Variants in ST8SIA1 observed in about 807,000 individuals in gnomAD.
ST8SIA1 encodes the protein ST8 alpha-N-acetyl-neuraminide alpha-2,8-sialyltransferase 1.
In ST8SIA1, 16 loss-of-function variants were observed where a neutral mutation model predicts 35.9. The ratio of observed to expected loss-of-function variants is 0.45; its 90% confidence interval spans 0.30 to 0.68. The LOEUF is 0.68. Ranked by LOEUF, ST8SIA1 falls within the 30% of genes least tolerant of loss-of-function variation. ST8SIA1 has a pLI of 0.09. For missense variants in ST8SIA1, 383 were observed against 453.6 expected (o/e 0.84, Z 1.41); for synonymous variants, 170 against 169.6 (o/e 1.00, Z -0.02).
At chr12:22,324,887 T>C (rs1244651310) in intron 1 of ST8SIA1, 1 of 152,104 alleles carries the variant, frequency 6.6e-6, no homozygotes, top group South Asian at 2.1e-4. Context: ...AATAAAAAAT[T>C]ATAAAGCTAT....
At chr12:22,316,452 A>G (rs1475605980) in intron 1 of ST8SIA1, among the ~76,000 whole-genome samples, 2 of 152,150 alleles carry the variant, frequency 1.3e-5, no homozygotes, top group African/African-American at 4.8e-5. Flanking sequence ...TTGTGGAAAA[A>G]GTTGGATCTC....
chr12:22,207,214 G>A (rs1464385377), intron 4 of ST8SIA1, among the ~76,000 whole-genome samples: 1 of 152,182 alleles, frequency 6.6e-6, no homozygotes, highest in Non-Finnish European at 1.5e-5. Flanking sequence ...CACTCTGGGA[G>A]AAAATTTACA....
chr12:22,269,505 G>A (rs955037547), intron 2 of ST8SIA1, among the ~76,000 whole-genome samples: 5 of 152,072 alleles, frequency 3.3e-5, no homozygotes, highest in Admixed American at 3.3e-4. Flanking sequence ...AAGATATTAT[G>A]GATACCTTCC....
intron 4 of ST8SIA1, among the ~76,000 whole-genome samples, chr12:22,227,772 T>A: frequency 6.6e-6 from 1 of 152,208 alleles, no homozygotes; most frequent in South Asian, 2.1e-4. Context: ...TTGTGCATTT[T>A]CTTTCTTAGA....
chr12:22,321,014 GAAAGAAAGAAAGAA>G (rs1565596059), intron 1 of ST8SIA1, among the ~76,000 whole-genome samples: 1,077 of 98,236 alleles, frequency 0.011, 40 homozygotes, highest in South Asian at 0.055. Flanking sequence ...AAGAAAGAAA[GAAAGAAAGAAAGAA>G]AGAAAGAGAA....
chr12:22,311,872 A>G (rs1032621586), intron 1 of ST8SIA1, among the ~76,000 whole-genome samples: 3 of 152,138 alleles, frequency 2.0e-5, no homozygotes, highest in Non-Finnish European at 4.4e-5. Context: ...ATTGCAAAGG[A>G]CTTTAAATGG....
At chr12:22,213,554 G>A (rs962478825) in intron 4 of ST8SIA1, among the ~76,000 whole-genome samples, 7 of 152,152 alleles carry the variant, frequency 4.6e-5, no homozygotes, top group African/African-American at 1.7e-4. Context: ...CGGAGTTGAA[G>A]GAGAAGAGCA....
chr12:22,255,028 C>T (rs1340519708), intron 3 of ST8SIA1, among the ~76,000 whole-genome samples: 1 of 152,154 alleles, frequency 6.6e-6, no homozygotes, highest in East Asian at 1.9e-4. Context: ...TTCCCCTGCT[C>T]CCTTTATTCA....
At chr12:22,254,513 C>T (rs1332715489) in intron 3 of ST8SIA1, among the ~76,000 whole-genome samples, 1 of 152,136 alleles carries the variant, frequency 6.6e-6, no homozygotes, top group African/African-American at 2.4e-5. Context: ...CACTCTTTGT[C>T]CTTCTTCCCT....
intron 4 of ST8SIA1, among the ~76,000 whole-genome samples, chr12:22,244,015 A>G (rs981825174): frequency 1.4e-5 from 2 of 146,018 alleles, no homozygotes; most frequent in African/African-American, 5.0e-5. Context: ...GGGCAACAAG[A>G]ATGAAATTCT....
At chr12:22,233,891 TTCTA>T (rs1865446388) in intron 4 of ST8SIA1, among the ~76,000 whole-genome samples, 1 of 152,098 alleles carries the variant, frequency 6.6e-6, no homozygotes, top group Non-Finnish European at 1.5e-5. Flanking sequence ...CTGTTTTATT[TTCTA>T]TCTAATCATT....
intron 4 of ST8SIA1, among the ~76,000 whole-genome samples, chr12:22,244,387 C>A (rs1372272119): frequency 6.6e-6 from 1 of 152,108 alleles, no homozygotes; most frequent in Non-Finnish European, 1.5e-5. Flanking sequence ...TGAGAAGTGA[C>A]TACTTATTGT....
chr12:22,317,921 G>T (rs1313566455), intron 1 of ST8SIA1, among the ~76,000 whole-genome samples: 1 of 152,154 alleles, frequency 6.6e-6, no homozygotes, highest in Non-Finnish European at 1.5e-5. Context: ...TTCATACACA[G>T]TAAGGAGATT....
At chr12:22,326,928 C>G (rs1327348961) in intron 1 of ST8SIA1, among the ~76,000 whole-genome samples, 1 of 152,144 alleles carries the variant, frequency 6.6e-6, no homozygotes, top group Non-Finnish European at 1.5e-5. Flanking sequence ...AGATGACTCA[C>G]AACTTTGTCA....
At chr12:22,329,171 G>GTA (rs1477689241) in intron 1 of ST8SIA1, among the ~76,000 whole-genome samples, 3 of 152,152 alleles carry the variant, frequency 2.0e-5, no homozygotes, top group African/African-American at 7.2e-5. Context: ...TGAGAGAGAT[G>GTA]TATACAGCAT....
chr12:22,257,056 T>G (rs1436751960), intron 2 of ST8SIA1, among the ~76,000 whole-genome samples: 2 of 152,204 alleles, frequency 1.3e-5, no homozygotes, highest in South Asian at 2.1e-4. Context: ...AAAATTTCTG[T>G]TCCCAGAGGT....
intron 4 of ST8SIA1, among the ~76,000 whole-genome samples, chr12:22,244,383 G>T (rs1161154615): frequency 6.6e-6 from 1 of 152,086 alleles, no homozygotes; most frequent in African/African-American, 2.4e-5. Context: ...ACCCTGAGAA[G>T]TGACTACTTA....
intron 1 of ST8SIA1, among the ~76,000 whole-genome samples, chr12:22,309,740 AT>A (rs1866427564): frequency 6.6e-6 from 1 of 152,114 alleles, no homozygotes; most frequent in Non-Finnish European, 1.5e-5. Context: ...TCCTTTCCAA[AT>A]TTTTGAATCT....
chr12:22,324,150 T>G (rs2541302), intron 1 of ST8SIA1, among the ~76,000 whole-genome samples: 12,901 of 152,240 alleles, frequency 0.085, 1,297 homozygotes, highest in African/African-American at 0.25. Flanking sequence ...ATACATTTAA[T>G]GATATTCATA....
Sources: gnomAD v4.1 joint callset for allele counts (sites outside exome capture counted in the v4.1 genomes callset) on GRCh38, gnomAD v4.1.1 for gene constraint, MANE v1.5 for transcripts, NCBI Gene and HGNC (gene_info 2026-07-23, HGNC 2026-07-21) for gene names.